NRG1: variants seen among roughly 807,000 people sequenced by gnomAD.
NRG1 encodes the protein pro-neuregulin-1, membrane-bound isoform.
A neutral mutation model predicts 63.8 loss-of-function variants in NRG1; 18 were observed. The ratio of observed to expected loss-of-function variants is 0.28; its 90% CI spans 0.19 to 0.42. The LOEUF (loss-of-function observed/expected upper bound fraction) is 0.42, where lower values mean the gene tolerates loss of function less well. Among genes scored for constraint, NRG1 ranks in the 10% least tolerant of loss-of-function variants. NRG1 has a pLI of 1.00. For synonymous variants in NRG1, 302 were observed against 301.3 expected, an observed-to-expected ratio of 1.00 and a Z score of -0.02; for missense variants, 762 against 814.7, an observed-to-expected ratio of 0.94 and a Z score of 0.79.
At chr8:32,103,853 G>A (rs115892228) in intron 1 of NRG1, among the ~76,000 whole-genome samples, 1,961 of 152,206 alleles carry the variant, frequency 0.013, 47 homozygotes, top group African/African-American at 0.045. Flanking sequence ...GGTTGGAGGC[G>A]CAGGGCATCT....
chr8:31,654,501 G>A (rs533853832), intron 1 of NRG1, among the ~76,000 whole-genome samples: 9 of 152,140 alleles, frequency 5.9e-5, no homozygotes, highest in African/African-American at 1.2e-4. Flanking sequence ...TGTGCCTTTC[G>A]GTGTCATCTT....
intron 1 of NRG1, among the ~76,000 whole-genome samples, chr8:32,073,083 G>C (rs1825983529): frequency 1.3e-5 from 2 of 152,126 alleles, no homozygotes; most frequent in African/African-American, 2.4e-5. Context: ...TTGATACTAT[G>C]AAAGTTCTGG....
chr8:32,177,742 G>T (rs1233732162), intron 1 of NRG1, among the ~76,000 whole-genome samples: 1 of 151,934 alleles, frequency 6.6e-6, no homozygotes, highest in East Asian at 1.9e-4. Flanking sequence ...AAACCACTTT[G>T]CATGAAAAAA....
intron 1 of NRG1, among the ~76,000 whole-genome samples, chr8:32,313,573 A>G (rs892252374): frequency 4.6e-5 from 7 of 152,216 alleles, no homozygotes; most frequent in Admixed American, 1.3e-4. Flanking sequence ...CTTGTCTGAC[A>G]ATAAAAAGGA....
At chr8:32,475,721 T>G (rs1287275287) in intron 1 of NRG1, among the ~76,000 whole-genome samples, 1 of 152,076 alleles carries the variant, frequency 6.6e-6, no homozygotes, top group Admixed American at 6.6e-5. Flanking sequence ...TGTGCCTGTT[T>G]TCTTAAGGCA....
At chr8:31,704,714 C>T (rs907769586) in intron 1 of NRG1, among the ~76,000 whole-genome samples, 3 of 151,568 alleles carry the variant, frequency 2.0e-5, no homozygotes, top group South Asian at 4.2e-4. Flanking sequence ...CGCCTGTAGT[C>T]CCAGCTACTC....
chr8:31,892,486 T>C (rs117112257), intron 1 of NRG1, among the ~76,000 whole-genome samples: 1 of 152,262 alleles, frequency 6.6e-6, no homozygotes, highest in Non-Finnish European at 1.5e-5. Flanking sequence ...TAGGAAATTC[T>C]TGTGAGTAGT....
At chr8:32,711,918 A>G (rs571830292) in intron 5 of NRG1, among the ~76,000 whole-genome samples, 1 of 152,306 alleles carries the variant, frequency 6.6e-6, no homozygotes, top group East Asian at 1.9e-4. Context: ...TAATAAGAAA[A>G]CCAACAGAAT....
At chr8:31,650,397 C>T (rs1804716433) in intron 1 of NRG1, among the ~76,000 whole-genome samples, 1 of 152,150 alleles carries the variant, frequency 6.6e-6, no homozygotes, top group Admixed American at 6.5e-5. Context: ...CCTTATCTTT[C>T]TCACCTTCCC....
At chr8:31,747,546 A>G (rs990635588) in intron 1 of NRG1, among the ~76,000 whole-genome samples, 3 of 151,970 alleles carry the variant, frequency 2.0e-5, no homozygotes, top group South Asian at 2.1e-4. Flanking sequence ...TGTGGTAAGC[A>G]TAGTCTCTTC....
intron 1 of NRG1, among the ~76,000 whole-genome samples, chr8:31,963,047 T>C (rs1383836183): frequency 1.3e-5 from 2 of 152,214 alleles, no homozygotes; most frequent in Admixed American, 6.5e-5. Flanking sequence ...GCCTTGTAAT[T>C]TGACTTGGAG....
At chr8:32,206,666 G>T (rs1471282280) in intron 1 of NRG1, among the ~76,000 whole-genome samples, 4 of 152,136 alleles carry the variant, frequency 2.6e-5, no homozygotes, top group African/African-American at 4.8e-5. Context: ...GATTTAGGGG[G>T]TACAAGTGCA....
At chr8:31,856,932 A>AGG (rs1827944992) in intron 1 of NRG1, among the ~76,000 whole-genome samples, 1 of 152,188 alleles carries the variant, frequency 6.6e-6, no homozygotes, top group Non-Finnish European at 1.5e-5. Flanking sequence ...CTCGGGGGTC[A>AGG]GGTGTCAGGG....
chr8:32,647,180 G>A (rs1322749708), intron 5 of NRG1: 42 of 985,242 alleles, frequency 4.3e-5, no homozygotes, highest in Non-Finnish European at 5.1e-5. Flanking sequence ...CCTTTCAGCC[G>A]TCGTCGCGTT....
intron 1 of NRG1, among the ~76,000 whole-genome samples, chr8:32,380,288 C>T (rs556955992): frequency 2.0e-5 from 3 of 152,242 alleles, no homozygotes; most frequent in East Asian, 1.9e-4. Flanking sequence ...CTCTTACCAT[C>T]TCCTCGTAGA....
At chr8:31,865,811 C>A (rs1828906668) in intron 1 of NRG1, among the ~76,000 whole-genome samples, 2 of 152,126 alleles carry the variant, frequency 1.3e-5, no homozygotes, top group African/African-American at 4.8e-5. Context: ...GACTAATACA[C>A]CATCTGTAAG....
intron 1 of NRG1, among the ~76,000 whole-genome samples, chr8:31,949,178 T>A (rs554287505): frequency 2.0e-5 from 3 of 152,232 alleles, no homozygotes; most frequent in African/African-American, 7.2e-5. Flanking sequence ...ACTTCACACA[T>A]GTTATTTAAT....
intron 1 of NRG1, among the ~76,000 whole-genome samples, chr8:32,468,926 T>C (rs1356275377): frequency 6.6e-6 from 1 of 152,188 alleles, no homozygotes. Flanking sequence ...ATTCATTCGA[T>C]AGATATCTTC....
intron 2 of NRG1, 147 bp downstream of exon 2, chr8:32,596,152 C>A (rs1843324089): frequency 1.6e-6 from 1 of 613,760 alleles, no homozygotes; most frequent in Non-Finnish European, 2.6e-6. Flanking sequence ...GACAAAAAAT[C>A]ATGTTATCAC....
Sources: allele counts gnomAD v4.1 joint callset (sites outside exome capture counted in the v4.1 genomes callset), GRCh38; gene constraint gnomAD v4.1.1; transcripts MANE v1.5; gene names NCBI Gene and HGNC (gene_info 2026-07-23, HGNC 2026-07-21).